The following GALNT17 variants were observed in gnomAD, a reference collection of about 807,000 sequenced individuals.
GALNT17 encodes UDP-GalNAc:polypeptide N-acetylgalactosaminyltransferase-like 3.
Under a neutral mutation model 63.7 loss-of-function variants are expected in GALNT17, and 29 were observed. The ratio of observed to expected loss-of-function variants is 0.46; its 90% confidence interval spans 0.34 to 0.62. The LOEUF (loss-of-function observed/expected upper bound fraction) is 0.62, where lower values mean the gene tolerates loss of function less well. Ranked by LOEUF, GALNT17 falls within the 20% of genes least tolerant of loss-of-function variation. The pLI is 0.01. For synonymous variants in GALNT17, 305 were observed against 318.3 expected, an observed-to-expected ratio of 0.96 and a Z score of 0.45; for missense variants, 603 against 799.6, an observed-to-expected ratio of 0.75 and a Z score of 2.97.
intron 1 of GALNT17, among the ~76,000 whole-genome samples, chr7:71,243,337 C>T (rs1486352685): frequency 2.0e-5 from 3 of 152,098 alleles, no homozygotes; most frequent in Admixed American, 2.0e-4. Context: ...AACCTCTTTT[C>T]TTTATAAATT....
chr7:71,213,230 G>A (rs1242714170), intron 1 of GALNT17, among the ~76,000 whole-genome samples: 1 of 152,100 alleles, frequency 6.6e-6, no homozygotes, highest in African/African-American at 2.4e-5. Flanking sequence ...TTTTATCAGG[G>A]GTTTCTGCTT....
chr7:71,663,477 A>G (rs745514939), intron 6 of GALNT17, among the ~76,000 whole-genome samples: 3 of 152,074 alleles, frequency 2.0e-5, no homozygotes, highest in Non-Finnish European at 4.4e-5. Context: ...CTTTGCCAAC[A>G]TTTGGCCTCC....
chr7:71,283,004 G>C (rs80198532), intron 1 of GALNT17, among the ~76,000 whole-genome samples: 4,655 of 152,076 alleles, frequency 0.031, 243 homozygotes, highest in African/African-American at 0.1. Context: ...CAGAGCCAAG[G>C]TGGGACCAGA....
At chr7:71,458,138 A>G (rs7787297) in intron 5 of GALNT17, among the ~76,000 whole-genome samples, 41,072 of 152,016 alleles carry the variant, frequency 0.27, 7,564 homozygotes, top group East Asian at 0.55. Flanking sequence ...AGGCTTGGCC[A>G]GTCCTTTTCC....
chr7:71,220,513 G>A (rs1789563922), intron 1 of GALNT17, among the ~76,000 whole-genome samples: 3 of 152,140 alleles, frequency 2.0e-5, no homozygotes, highest in Non-Finnish European at 1.5e-5. Context: ...TGACCACCTG[G>A]TTCTGCTCTA....
At chr7:71,452,793 G>C (rs1399324660) in intron 5 of GALNT17, among the ~76,000 whole-genome samples, 1 of 152,202 alleles carries the variant, frequency 6.6e-6, no homozygotes, top group Non-Finnish European at 1.5e-5. Context: ...TACAGGCCCA[G>C]AGGCTCTGGA....
rs1027798598 is a variant in GALNT17, at chr7:71,499,677, C to T, written c.963-71608C>T. Among the ~76,000 whole-genome samples, 11 of 152,296 alleles carry T rather than the reference C, an allele frequency of 7.2e-5. 2 individuals are homozygous for T. The South Asian group carries it at 1.7e-3, about 23-fold the overall frequency. ...CCTCCATCTGCCTGAAATGCACTCCCGATTTCTCTTCATCTATACAGATTT... is the reference window on the plus strand; with the variant it reads ...CCTCCATCTGCCTGAAATGCACTCCTGATTTCTCTTCATCTATACAGATTT... On this transcript the variant is annotated intron_variant, in intron 5 of 10. Transcript: ENST00000333538.
At chr7:71,425,386 C>G (rs1786741066) in intron 5 of GALNT17, among the ~76,000 whole-genome samples, 1 of 152,092 alleles carries the variant, frequency 6.6e-6, no homozygotes, top group South Asian at 2.1e-4. Flanking sequence ...CCACGCCCAG[C>G]TAATTTTTTG....
intron 6 of GALNT17, among the ~76,000 whole-genome samples, chr7:71,618,100 C>G (rs1790243878): frequency 1.3e-5 from 2 of 152,144 alleles, no homozygotes; most frequent in South Asian, 4.1e-4. Context: ...CATTAATTCA[C>G]TTAGGATAAT....
chr7:71,710,723 C>G (rs1791780212), intron 9 of GALNT17, 38 bp from the exon 10 acceptor site: 7 of 1,608,012 alleles, frequency 4.4e-6, no homozygotes, highest in Non-Finnish European at 5.1e-6. Context: ...ACTCCTGCCT[C>G]CCACTTCCAT....
intron 5 of GALNT17, among the ~76,000 whole-genome samples, chr7:71,538,226 C>A (rs369203072): frequency 2.0e-5 from 3 of 152,274 alleles, no homozygotes; most frequent in East Asian, 1.9e-4. Context: ...AGAGAAAATT[C>A]TAAATGTGTC....
chr7:71,380,813 A>G (rs1792831185), intron 2 of GALNT17, among the ~76,000 whole-genome samples: 1 of 152,050 alleles, frequency 6.6e-6, no homozygotes, highest in South Asian at 2.1e-4. Context: ...AAGACAAAGA[A>G]TGGGTTGAGA....
intron 6 of GALNT17, among the ~76,000 whole-genome samples, chr7:71,620,969 T>G (rs1000854130): frequency 7.2e-5 from 11 of 152,242 alleles, no homozygotes; most frequent in African/African-American, 2.7e-4. Flanking sequence ...TGGACTTTGT[T>G]TAGTTGCTAA....
rs528212033 is a variant in GALNT17 at position 71,701,725 on chromosome 7, G to GTATA, written c.1501-9024_1501-9021dup. Among the ~76,000 whole-genome samples, 634 of 139,086 alleles carry GTATA rather than the reference G, an allele frequency of 4.6e-3. 4 individuals are homozygous for GTATA. Among genetic ancestry groups the GTATA allele is most frequent in the Non-Finnish European group, 7.2e-3 (465 of 64,674 alleles). The allele number at this position is 139,086 out of a possible 152,430, so 91.2% of individuals were successfully genotyped here. On this transcript the variant is annotated intron_variant, in intron 9 of 10. Coordinates refer to ENST00000333538, the MANE Select transcript of GALNT17 (RefSeq NM_022479.3). The stretch of plus-strand genomic sequence containing the variant: ...ATGGGATAAAGAAAATGTGGTGTAT[G>GTATA]TATATATATATATATGTGTATATAT...
chr7:71,597,794 C>T (rs991949730), intron 6 of GALNT17, among the ~76,000 whole-genome samples: 3 of 152,106 alleles, frequency 2.0e-5, no homozygotes, highest in African/African-American at 7.2e-5. Flanking sequence ...GCCGGTGCTT[C>T]GTGATTACCT....
At chr7:71,360,906 C>G (rs551285044) in intron 2 of GALNT17, among the ~76,000 whole-genome samples, 1 of 152,318 alleles carries the variant, frequency 6.6e-6, no homozygotes, top group South Asian at 2.1e-4. Flanking sequence ...GCACTACACT[C>G]CAGTGTGGGT....
At chr7:71,296,265 G>A (rs1791077393) in intron 1 of GALNT17, among the ~76,000 whole-genome samples, 1 of 152,160 alleles carries the variant, frequency 6.6e-6, no homozygotes, top group Admixed American at 6.5e-5. Context: ...TTATGTAGGA[G>A]ATATTTTAGG....
At chr7:71,426,753 C>T (rs1786767619) in intron 5 of GALNT17, among the ~76,000 whole-genome samples, 1 of 151,982 alleles carries the variant, frequency 6.6e-6, no homozygotes, top group Non-Finnish European at 1.5e-5. Context: ...AACCCTGTCT[C>T]TACTAAAAAT....
intron 6 of GALNT17, among the ~76,000 whole-genome samples, chr7:71,636,165 G>T (rs1005401797): frequency 6.6e-6 from 1 of 152,138 alleles, no homozygotes; most frequent in Non-Finnish European, 1.5e-5. Flanking sequence ...TCTTTTCTAT[G>T]TATTGGGTAC....
Sources: gnomAD v4.1 joint callset for allele counts (sites outside exome capture counted in the v4.1 genomes callset) on GRCh38, gnomAD v4.1.1 for gene constraint, MANE v1.5 for transcripts, NCBI Gene and HGNC (gene_info 2026-07-23, HGNC 2026-07-21) for gene names.